Variants in ESR1 observed in about 807,000 individuals in gnomAD.
ESR1 encodes the protein estrogen receptor.
A neutral mutation model predicts 52.7 loss-of-function variants in ESR1; 12 were observed. That is an observed-to-expected ratio of 0.23 (90% CI 0.15 to 0.37). The LOEUF is 0.37. Ranked by LOEUF, ESR1 falls within the 10% of genes least tolerant of loss-of-function variation. The pLI is 1.00. For synonymous variants in ESR1, 305 were observed against 316.8 expected, an observed-to-expected ratio of 0.96 and a Z score of 0.39; for missense variants, 584 against 779.7, an observed-to-expected ratio of 0.75 and a Z score of 2.99.
chr6:151,844,814 A>G (rs2128238124), intron 2 of ESR1, among the ~76,000 whole-genome samples: 1 of 152,342 alleles, frequency 6.6e-6, no homozygotes, highest in East Asian at 1.9e-4. Context: ...AATAAAAAAA[A>G]AGTGTAAGAC....
At chr6:151,767,464 A>C (rs1583195417) in intron 2 of ESR1, among the ~76,000 whole-genome samples, 1 of 152,304 alleles carries the variant, frequency 6.6e-6, no homozygotes, top group Middle Eastern at 3.4e-3. Flanking sequence ...GAAGCCAATA[A>C]ATCTCCTCTC....
intron 2 of ESR1, among the ~76,000 whole-genome samples, chr6:151,733,912 G>A (rs1277413353): frequency 3.9e-5 from 6 of 152,056 alleles, no homozygotes; most frequent in African/African-American, 7.2e-5. Context: ...GCCCTCCACC[G>A]GATGCCTCTA....
intron 6 of ESR1, chr6:152,125,208 T>C: frequency 6.5e-7 from 1 of 1,528,058 alleles, no homozygotes; most frequent in Non-Finnish European, 8.8e-7. Flanking sequence ...GTGAAATGTT[T>C]TGCTGGTTGG....
chr6:152,093,225 G>A (rs1195563253), intron 6 of ESR1, among the ~76,000 whole-genome samples: 2 of 151,096 alleles, frequency 1.3e-5, no homozygotes, highest in East Asian at 3.9e-4. Flanking sequence ...GCAGTGAGTT[G>A]AGATGTGCCA....
At chr6:151,771,935 A>G (rs1472724868) in intron 2 of ESR1, among the ~76,000 whole-genome samples, 6 of 152,188 alleles carry the variant, frequency 3.9e-5, no homozygotes, top group African/African-American at 1.4e-4. Context: ...CTGCTTGACT[A>G]TTATTTTCTT....
chr6:151,859,116 C>A (rs1788417648), intron 2 of ESR1, among the ~76,000 whole-genome samples: 1 of 152,100 alleles, frequency 6.6e-6, no homozygotes, highest in South Asian at 2.1e-4. Context: ...ATAACTTTTC[C>A]TTTTTCCTTT....
rs554662799 is a variant in ESR1 at position 151,910,475 on chromosome 6, A to G, written c.760+29704A>G. Among the ~76,000 whole-genome samples, 14 of 152,322 alleles carry G rather than the reference A, an allele frequency of 9.2e-5. No individual in the cohort carries two copies. In the East Asian group the frequency reaches 2.7e-3, roughly 29 times the overall value. On this transcript the variant is annotated intron_variant, in intron 3 of 7. Coordinates refer to ENST00000206249, the MANE Select transcript of ESR1 (RefSeq NM_000125.4). Reference sequence around the variant, plus strand: ...TCATTTTTTAAACTTATAAAATGCAAACTCATTTGGTTGTGATGATGAATG... The same window carrying G: ...TCATTTTTTAAACTTATAAAATGCAGACTCATTTGGTTGTGATGATGAATG...
intron 2 of ESR1, among the ~76,000 whole-genome samples, chr6:151,790,584 T>C (rs754145666): frequency 3.5e-5 from 4 of 115,854 alleles, no homozygotes; most frequent in Non-Finnish European, 7.5e-5. Context: ...TTCTTGCTGC[T>C]TTTTTTTTTT....
intron 2 of ESR1, among the ~76,000 whole-genome samples, chr6:151,760,527 TAGGA>T (rs988679591): frequency 8.0e-4 from 122 of 152,372 alleles, no homozygotes; most frequent in African/African-American, 2.7e-3. Context: ...TTTGTTGTCT[TAGGA>T]AGAATATTTT....
intron 1 of ESR1, among the ~76,000 whole-genome samples, chr6:151,662,389 A>G (rs1777668363): frequency 6.6e-6 from 1 of 152,064 alleles, no homozygotes; most frequent in South Asian, 2.1e-4. Flanking sequence ...TCCTCTTTAT[A>G]CCAACCAATG....
At chr6:151,681,589 TA>T (rs200061676) in intron 1 of ESR1, among the ~76,000 whole-genome samples, 2 of 151,556 alleles carry the variant, frequency 1.3e-5, no homozygotes, top group Non-Finnish European at 2.9e-5. Context: ...AAAGAAAAAA[TA>T]AAAAAAAGCC....
intron 3 of ESR1, among the ~76,000 whole-genome samples, chr6:151,938,905 G>A (rs1456084053): frequency 1.3e-5 from 2 of 152,126 alleles, no homozygotes; most frequent in East Asian, 1.9e-4. Context: ...TTGGTATCTC[G>A]ATCCCTTATA....
chr6:152,085,362 G>A (rs911885928), intron 6 of ESR1, among the ~76,000 whole-genome samples: 1 of 151,946 alleles, frequency 6.6e-6, no homozygotes, highest in Non-Finnish European at 1.5e-5. Flanking sequence ...ATGTCCAAGT[G>A]TGTTCTGGTT....
downstream of ESR1, among the ~76,000 whole-genome samples, chr6:152,104,579 C>T (rs1204652836): frequency 1.3e-5 from 2 of 152,110 alleles, no homozygotes; most frequent in African/African-American, 2.4e-5. Flanking sequence ...TACTGCCTTT[C>T]GTTGTTTTAG....
intron 1 of ESR1, among the ~76,000 whole-genome samples, chr6:151,675,243 T>A (rs77287017): frequency 0.019 from 2,889 of 152,340 alleles, 92 homozygotes; most frequent in African/African-American, 0.064. Context: ...TTCATTGATT[T>A]ATTCACTAAG....
downstream of ESR1, among the ~76,000 whole-genome samples, chr6:152,105,270 G>T (rs2051049511): frequency 1.3e-5 from 2 of 152,208 alleles, no homozygotes. Context: ...CAGAGGTATA[G>T]GTGACAACTT....
At chr6:152,116,981 A>G (rs977776797) in intron 6 of ESR1, among the ~76,000 whole-genome samples, 1 of 152,096 alleles carries the variant, frequency 6.6e-6, no homozygotes. Flanking sequence ...CCAACTGGAG[A>G]GAGTTAAAGG....
At chr6:152,091,657 C>T (rs1436831299) in intron 6 of ESR1, among the ~76,000 whole-genome samples, 1 of 152,096 alleles carries the variant, frequency 6.6e-6, no homozygotes, top group Non-Finnish European at 1.5e-5. Context: ...AGGCCGAGTG[C>T]CATGTCTTTG....
At chr6:151,972,433 A>G (rs879758936) in intron 4 of ESR1, among the ~76,000 whole-genome samples, 1 of 152,250 alleles carries the variant, frequency 6.6e-6, no homozygotes, top group Admixed American at 6.5e-5. Context: ...ATCCAACAGC[A>G]TATCAGAAAG....
Sources: gnomAD v4.1 joint callset for allele counts (sites outside exome capture counted in the v4.1 genomes callset) on GRCh38, gnomAD v4.1.1 for gene constraint, MANE v1.5 for transcripts, NCBI Gene and HGNC (gene_info 2026-07-23, HGNC 2026-07-21) for gene names.